EVC2: variants seen among roughly 807,000 people sequenced by gnomAD.
The protein encoded by EVC2 is limbin.
In EVC2, 148 loss-of-function variants were observed where a neutral mutation model predicts 149.3. That is an observed-to-expected ratio of 0.99 (90% CI 0.87 to 1.14). EVC2 has a LOEUF of 1.14. Among genes scored for constraint, EVC2 ranks in the 50% most tolerant of loss-of-function variants. The pLI is 0.00. For missense variants in EVC2, 1,854 were observed against 1,627.3 expected, an observed-to-expected ratio of 1.14 and a Z score of -2.40; for synonymous variants, 776 against 649.9, an observed-to-expected ratio of 1.19 and a Z score of -2.95.
At chr4:5,555,954 C>T (rs921473277) in intron 21 of EVC2, among the ~76,000 whole-genome samples, 4 of 151,742 alleles carry the variant, frequency 2.6e-5, no homozygotes, top group Admixed American at 2.0e-4. Flanking sequence ...CTGAGGCAGG[C>T]GGATCACGAG....
intron 1 of EVC2, among the ~76,000 whole-genome samples, chr4:5,703,934 G>A (rs1023496578): frequency 6.6e-6 from 1 of 152,120 alleles, no homozygotes; most frequent in African/African-American, 2.4e-5. Context: ...GTATCAGGGG[G>A]AGGAGCATTA....
At chr4:5,651,453 T>G (rs1718141287) in intron 9 of EVC2, among the ~76,000 whole-genome samples, 1 of 151,418 alleles carries the variant, frequency 6.6e-6, no homozygotes, top group Non-Finnish European at 1.5e-5. Flanking sequence ...GGTGTATGGG[T>G]GCATGGGTAG....
the EVC2 span, among the ~76,000 whole-genome samples, chr4:5,531,367 G>A: frequency 6.6e-6 from 1 of 152,166 alleles, no homozygotes; most frequent in African/African-American, 2.4e-5. Flanking sequence ...ATAACCTACA[G>A]CACATCCTCC....
rs1285851202 is a variant in EVC2 at position 5,637,257 on chromosome 4, G to C, written c.1470+3257C>G. On this transcript the variant is annotated intron_variant, in intron 10 of 21. Coordinates refer to ENST00000344408, the MANE Select transcript of EVC2 (RefSeq NM_147127.5). This position sits in a 1 kb window ranked among gnomAD's most constrained non-coding sequence, Gnocchi z 4.4. Reference sequence around the variant, plus strand: ...ACATTCTAGGTGCCCCACAGGACGGGTTCACATGGGGCGCACAGCAGGGGG... The same window carrying C: ...ACATTCTAGGTGCCCCACAGGACGGCTTCACATGGGGCGCACAGCAGGGGG... Among the ~76,000 whole-genome samples, 2 of 152,210 alleles carry C rather than the reference G, an allele frequency of 1.3e-5. No homozygotes were observed. Among genetic ancestry groups the C allele is most frequent in the African/African-American group, 4.8e-5 (2 of 41,464 alleles).
chr4:5,600,404 A>G (rs759902207), intron 16 of EVC2, among the ~76,000 whole-genome samples: 2 of 152,164 alleles, frequency 1.3e-5, no homozygotes, highest in Non-Finnish European at 2.9e-5. Flanking sequence ...GTTTCCCCCT[A>G]TTTTAAAGAG....
At chr4:5,690,405 GT>G (rs1165240823) in intron 4 of EVC2, among the ~76,000 whole-genome samples, 15,242 of 141,444 alleles carry the variant, frequency 0.11, 1,858 homozygotes, top group African/African-American at 0.31. Context: ...GTGGGTTGTT[GT>G]TTTTTTTTTT....
At chr4:5,644,093 T>A (rs62297514) in intron 9 of EVC2, among the ~76,000 whole-genome samples, 39,145 of 151,912 alleles carry the variant, frequency 0.26, 5,413 homozygotes, top group East Asian at 0.48. Context: ...ACAGCATTGA[T>A]GTGTTAGGGA....
At chr4:5,650,638 T>TAGAGAGAGAGAGAGAGAG (rs375595646) in intron 9 of EVC2, among the ~76,000 whole-genome samples, 10 of 45,098 alleles carry the variant, frequency 2.2e-4, no homozygotes, top group South Asian at 1.1e-3. Context: ...TATATATATA[T>TAGAGAGAGAGAGAGAGAG]AGAGAGAGAG....
intron 11 of EVC2, among the ~76,000 whole-genome samples, chr4:5,631,567 T>TGC (rs1553837132): frequency 1.5e-4 from 23 of 148,928 alleles, no homozygotes; most frequent in Non-Finnish European, 2.7e-4. Flanking sequence ...CGCAGTAGAC[T>TGC]GGGGGGGGGA....
Position 5,686,567 on chromosome 4 carries a change from T to C in EVC2, c.707-1088A>G, listed in dbSNP as rs546094941. Reference sequence around the variant, plus strand: ...GGAGAACACGTGATTTTCTGCAACATACAGAAGAAGAAACTGAAACTGAGA... The same window carrying C: ...GGAGAACACGTGATTTTCTGCAACACACAGAAGAAGAAACTGAAACTGAGA... On this transcript the variant is annotated intron_variant, in intron 5 of 21. Transcript: ENST00000344408. This position sits in a 1 kb window ranked among gnomAD's most constrained non-coding sequence, Gnocchi z 5.4. Among the ~76,000 whole-genome samples the C allele has an allele frequency of 1.2e-3, 186 of 152,152 alleles. 1 individual carries two copies. The highest frequency in any genetic ancestry group is 4.4e-3 in the African/African-American group (182 of 41,510).
At position 5,686,105 on chromosome 4, in the gene EVC2, C is replaced by T. The variant is rs1376756967; in HGVS notation, c.707-626G>A. ...CACACACATATATATTACACACACA[C>T]ACACACACACACACACACACACAGA... On this transcript the variant is annotated intron_variant, in intron 5 of 21. Coordinates refer to ENST00000344408, the MANE Select transcript of EVC2 (RefSeq NM_147127.5). The surrounding 1 kb of genome is among the most constrained non-coding windows in gnomAD (Gnocchi z 5.4). Among the ~76,000 whole-genome samples the T allele has an allele frequency of 1.3e-5, 1 of 75,318 alleles. No individual in the cohort carries two copies. The highest frequency in any genetic ancestry group is 5.7e-4 in the East Asian group (1 of 1,754). The allele number at this position is 75,318 out of a possible 152,430, so 49.4% of individuals were successfully genotyped here.
rs756154243 is a variant in EVC2 at position 5,670,781 on chromosome 4, T to C, written c.871-5132A>G. 6.6e-6 allele frequency among the ~76,000 whole-genome samples: 1 copy of C among 151,640 alleles called. No individual in the cohort carries two copies. The highest frequency in any genetic ancestry group is 6.6e-5 in the Admixed American group (1 of 15,252). On this transcript the variant is annotated intron_variant, in intron 7 of 21. Coordinates refer to ENST00000344408, the MANE Select transcript of EVC2 (RefSeq NM_147127.5). The surrounding 1 kb of genome is among the most constrained non-coding windows in gnomAD (Gnocchi z 5.2). ...AGCAGCATCGCCATCAAATTCATTATCACCATCACCACCATGACCACCACC... is the reference window on the plus strand; with the variant it reads ...AGCAGCATCGCCATCAAATTCATTACCACCATCACCACCATGACCACCACC...
chr4:5,568,090 T>C (rs1386612772), intron 20 of EVC2, among the ~76,000 whole-genome samples: 1 of 152,054 alleles, frequency 6.6e-6, no homozygotes, highest in Admixed American at 6.6e-5. Flanking sequence ...CACAAACACA[T>C]GCTCCCACAC....
rs967160210 is a variant in EVC2 at position 5,640,427 on chromosome 4, C to G, written c.1470+87G>C. 2 of 1,505,798 alleles carry G rather than the reference C, an allele frequency of 1.3e-6. No individual in the cohort carries two copies. The highest frequency in any genetic ancestry group is 1.8e-6 in the Non-Finnish European group (2 of 1,083,304). The allele number at this position is 1,505,798 out of a possible 1,614,324, so 93.3% of individuals were successfully genotyped here. On this transcript the variant is annotated intron_variant, in intron 10 of 21. Transcript: ENST00000344408. The surrounding 1 kb of genome is among the most constrained non-coding windows in gnomAD (Gnocchi z 4.6). The stretch of plus-strand genomic sequence containing the variant: ...ATGATGGGTAGACGGATGGAGGAGG[C>G]AAATGGACAGATGAGTGGGTAGATG...
rs1186814413 is a variant in EVC2, at chr4:5,562,491, G to A, written c.*357C>T. 1 of 1,100,940 alleles carries A rather than the reference G, an allele frequency of 9.1e-7. No homozygotes were observed. The allele number at this position is 1,100,940 out of a possible 1,614,324, so 68.2% of individuals were successfully genotyped here. Reference sequence around the variant, plus strand: ...AATTCCCTTTATAAAAATAGAATATGTAACAAATACAAAACATAAGAGTAG... The same window carrying A: ...AATTCCCTTTATAAAAATAGAATATATAACAAATACAAAACATAAGAGTAG... On this transcript the variant is annotated 3_prime_UTR_variant, in exon 22 of 22. Transcript: ENST00000344408. The surrounding 1 kb of genome is among the most constrained non-coding windows in gnomAD (Gnocchi z 4.3).
At chr4:5,708,252 G>C (rs1722341537) in intron 1 of EVC2, 34 bp downstream of exon 1, 3 of 1,464,076 alleles carry the variant, frequency 2.0e-6, no homozygotes, top group Middle Eastern at 1.7e-4. Flanking sequence ...AACCACTACA[G>C]TCAGACCGGA....
chr4:5,568,692 C>A (rs1021822503), intron 19 of EVC2, 52 bp from the exon 20 acceptor site: 2 of 1,548,194 alleles, frequency 1.3e-6, no homozygotes, highest in Admixed American at 1.8e-5. Context: ...TCAACTTGAA[C>A]CATCATTTTT....
intron 18 of EVC2, among the ~76,000 whole-genome samples, chr4:5,575,504 G>C (rs1174158933): frequency 6.6e-6 from 1 of 152,212 alleles, no homozygotes; most frequent in Non-Finnish European, 1.5e-5. Context: ...GTGATAGGAT[G>C]AATGAAAATC....
At position 5,618,728 on chromosome 4, in the gene EVC2, G is replaced by T; in HGVS notation, c.2502-46C>A. 6.5e-7 allele frequency: 1 copy of T among 1,544,498 alleles called. No individual in the cohort carries two copies. The highest frequency in any genetic ancestry group is 8.8e-7 in the Non-Finnish European group (1 of 1,139,422). On this transcript the variant is annotated intron_variant, in intron 14 of 21. Transcript: ENST00000344408. The surrounding 1 kb of genome is among the most constrained non-coding windows in gnomAD (Gnocchi z 4.4). The stretch of plus-strand genomic sequence containing the variant: ...ACACTCTTAACACAGAGAAAGCCTG[G>T]GGGCTGGGCTGGGGTGAAGAAGCCA...
Sources: gnomAD v4.1 joint callset for allele counts (sites outside exome capture counted in the v4.1 genomes callset) on GRCh38, gnomAD v4.1.1 for gene constraint, Gnocchi (gnomAD v3.1) non-coding constraint, MANE v1.5 for transcripts, NCBI Gene and HGNC (gene_info 2026-07-23, HGNC 2026-07-21) for gene names.